The following PDC variants were observed in gnomAD, a reference collection of about 807,000 sequenced individuals.
The protein encoded by PDC is phosducin.
In PDC, 19 loss-of-function variants were observed where a neutral mutation model predicts 22.2. The ratio of observed to expected loss-of-function variants is 0.86; its 90% CI spans 0.60 to 1.26. The LOEUF (loss-of-function observed/expected upper bound fraction) is 1.26. PDC is among the 50% of genes most tolerant of loss of function. The pLI is 0.00. For synonymous variants in PDC, 97 were observed against 96.2 expected, an observed-to-expected ratio of 1.01 and a Z score of -0.05; for missense variants, 274 against 286.8, an observed-to-expected ratio of 0.96 and a Z score of 0.32.
intron 1 of PDC, among the ~76,000 whole-genome samples, chr1:186,453,933 C>T (rs1022155949): frequency 6.6e-6 from 1 of 152,038 alleles, no homozygotes; most frequent in African/African-American, 2.4e-5. Flanking sequence ...TTTTCCATTA[C>T]GCCATTCCAC....
intron 1 of PDC, among the ~76,000 whole-genome samples, chr1:186,460,337 A>T (rs990486453): frequency 1.3e-5 from 2 of 152,200 alleles, no homozygotes; most frequent in African/African-American, 4.8e-5. Context: ...AACATGAAAC[A>T]TCTCTTTGTA....
intron 2 of PDC, among the ~76,000 whole-genome samples, chr1:186,448,976 AAAAT>A (rs1199346351): frequency 6.6e-6 from 1 of 152,158 alleles, no homozygotes; most frequent in Non-Finnish European, 1.5e-5. Context: ...TTTATTCAAA[AAAAT>A]AAAGGGAATA....
chr1:186,451,257 C>G (rs1662349557), intron 1 of PDC: 1 of 152,130 alleles, frequency 6.6e-6, no homozygotes, highest in African/African-American at 2.4e-5. Context: ...GAAAGCCAAT[C>G]AATTTCACAA....
chr1:186,451,432 AT>A (rs755638735), intron 1 of PDC, among the ~76,000 whole-genome samples: 14 of 152,324 alleles, frequency 9.2e-5, no homozygotes, highest in Admixed American at 3.3e-4. Flanking sequence ...AGACATGAAA[AT>A]TTTTACTTCG....
intron 1 of PDC, among the ~76,000 whole-genome samples, chr1:186,453,011 T>C (rs960562727): frequency 6.6e-6 from 1 of 152,212 alleles, no homozygotes; most frequent in Non-Finnish European, 1.5e-5. Context: ...CAGAATAATG[T>C]GCATTTAAAA....
chr1:186,443,959 G>A lies in PDC; in HGVS notation c.*20C>T. On this transcript the variant is annotated 3_prime_UTR_variant, in exon 4 of 4. Transcript: ENST00000391997. ...TCCAATACCTAAAGGATAAACATGA[G>A]ATATTGACATAGTGAATCTTCATTC... The A allele has an allele frequency of 1.3e-6, 2 of 1,557,516 alleles. No homozygotes were observed. The highest frequency in any genetic ancestry group is 8.8e-7 in the Non-Finnish European group (1 of 1,133,658).
chr1:186,460,508 G>A (rs552009831), intron 1 of PDC, among the ~76,000 whole-genome samples: 4 of 152,216 alleles, frequency 2.6e-5, no homozygotes, highest in South Asian at 2.1e-4. Flanking sequence ...TAGTGATTAT[G>A]GTTAACCTCT....
Position 186,450,533 on chromosome 1 carries a change from A to G in PDC, c.-24-1050T>C, listed in dbSNP as rs1228345022. 2.0e-5 allele frequency among the ~76,000 whole-genome samples: 3 copies of G among 151,584 alleles called. No individual in the cohort carries two copies. In the East Asian group the frequency reaches 5.8e-4, roughly 29 times the overall value. Reference sequence around the variant, plus strand: ...CTAATGTTTTTTTTTATTTTTTGGTATGTTGCCCAGGCTAGTGTTGAACTT... The same window carrying G: ...CTAATGTTTTTTTTTATTTTTTGGTGTGTTGCCCAGGCTAGTGTTGAACTT... On this transcript the variant is annotated intron_variant, in intron 1 of 3. Transcript: ENST00000391997.
At chr1:186,449,351 A>T (rs780515635) in intron 2 of PDC, 48 bp downstream of exon 2, 2 of 1,107,992 alleles carry the variant, frequency 1.8e-6, no homozygotes, top group Admixed American at 1.7e-5. Flanking sequence ...AGATATTGCC[A>T]TATTTAATTT....
chr1:186,447,672 TCTC>T (rs1340009447), intron 2 of PDC, among the ~76,000 whole-genome samples: 2 of 152,068 alleles, frequency 1.3e-5, no homozygotes, highest in African/African-American at 4.8e-5. Flanking sequence ...ATTCCTTCTT[TCTC>T]CTCTATATTG....
rs764811609 is a variant in PDC at position 186,446,531 on chromosome 1, ACT to A, written c.106_107del (p.Gln37ArgfsTer3). The A allele has an allele frequency of 6.3e-7, 1 of 1,595,590 alleles. No homozygotes were observed. The highest frequency in any genetic ancestry group is 1.1e-5 in the South Asian group (1 of 89,758). On this transcript the variant is annotated frameshift_variant, in exon 3 of 4. Coordinates refer to ENST00000391997, the MANE Select transcript of PDC (RefSeq NM_002597.5). LOFTEE classifies it high-confidence loss of function. ...TAGGTGGAATTGAATCACTGTCTTGACTCTCTAATTTAAACTTTCTCCAATCA... is the reference window on the plus strand; with the variant it reads ...TAGGTGGAATTGAATCACTGTCTTGACTCTAATTTAAACTTTCTCCAATCA... ...INDWRKFKLE[S>X]QDSDSIPPSK...
At chr1:186,445,373 T>A (rs1662205148) in intron 3 of PDC, among the ~76,000 whole-genome samples, 1 of 152,230 alleles carries the variant, frequency 6.6e-6, no homozygotes, top group Middle Eastern at 3.2e-3. Flanking sequence ...CTGAGGTAGG[T>A]ACTATTAGTG....
intron 1 of PDC, among the ~76,000 whole-genome samples, chr1:186,454,861 C>T (rs779658542): frequency 3.9e-5 from 6 of 152,316 alleles, no homozygotes; most frequent in Non-Finnish European, 5.9e-5. Flanking sequence ...TACAATTCTA[C>T]AGATTCAGGG....
intron 2 of PDC, among the ~76,000 whole-genome samples, chr1:186,448,369 C>A (rs989052106): frequency 2.0e-5 from 3 of 151,978 alleles, no homozygotes; most frequent in African/African-American, 7.2e-5. Context: ...TCTGTCCTAT[C>A]TTTTGCTCAT....
At chr1:186,453,761 G>A (rs531230316) in intron 1 of PDC, among the ~76,000 whole-genome samples, 4 of 152,156 alleles carry the variant, frequency 2.6e-5, no homozygotes, top group African/African-American at 9.6e-5. Flanking sequence ...TACTATGTGC[G>A]GGGTACTCTA....
intron 2 of PDC, among the ~76,000 whole-genome samples, chr1:186,446,928 GA>G (rs1662243743): frequency 6.6e-6 from 1 of 151,906 alleles, no homozygotes; most frequent in African/African-American, 2.4e-5. Flanking sequence ...TATTACCTAA[GA>G]AAAAAACTTC....
intron 1 of PDC, among the ~76,000 whole-genome samples, chr1:186,455,551 C>A (rs937693639): frequency 6.6e-6 from 1 of 151,950 alleles, no homozygotes; most frequent in Non-Finnish European, 1.5e-5. Flanking sequence ...TTTAAAATTG[C>A]AGTTAGGGAA....
intron 1 of PDC, chr1:186,451,221 A>T (rs1662349110): frequency 6.6e-6 from 1 of 152,154 alleles, no homozygotes. Flanking sequence ...GAGTTTTTCC[A>T]CTTGAACAAG....
chr1:186,460,044 A>G (rs939001020), intron 1 of PDC, among the ~76,000 whole-genome samples: 4 of 152,100 alleles, frequency 2.6e-5, no homozygotes, highest in African/African-American at 9.7e-5. Context: ...ACCTTTCAAA[A>G]CAAACATTAT....
Sources: gnomAD v4.1 joint callset for allele counts (sites outside exome capture counted in the v4.1 genomes callset) on GRCh38, gnomAD v4.1.1 for gene constraint, MANE v1.5 for transcripts, NCBI Gene and HGNC (gene_info 2026-07-23, HGNC 2026-07-21) for gene names.